The following ANXA4 variants were observed in gnomAD, a reference collection of about 807,000 sequenced individuals.
ANXA4 encodes the protein 35-beta calcimedin.
Under a neutral mutation model 49.8 loss-of-function variants are expected in ANXA4, and 39 were observed. The ratio of observed to expected loss-of-function variants is 0.78; its 90% confidence interval spans 0.61 to 1.02. The LOEUF (loss-of-function observed/expected upper bound fraction) is 1.02. Among genes scored for constraint, ANXA4 ranks in the 50% least tolerant of loss-of-function variants. The probability of loss-of-function intolerance (pLI) is 0.00; values close to 1 mark genes in which losing one functional copy is unlikely to be tolerated. For synonymous variants in ANXA4, 134 were observed against 152.5 expected, an observed-to-expected ratio of 0.88 and a Z score of 0.89; for missense variants, 360 against 410.1, an observed-to-expected ratio of 0.88 and a Z score of 1.05.
intron 7 of ANXA4, among the ~76,000 whole-genome samples, chr2:69,812,387 GCTGT>G (rs1673745658): frequency 6.6e-6 from 1 of 152,182 alleles, no homozygotes; most frequent in African/African-American, 2.4e-5. Flanking sequence ...AGTGGAGGGA[GCTGT>G]CCTTGGGAAG....
rs544896553 is a variant in ANXA4 at position 69,772,369 on chromosome 2, C to T, written c.-46-9151C>T. Among the ~76,000 whole-genome samples, 77 of 152,316 alleles carry T rather than the reference C, an allele frequency of 5.1e-4. 1 individual carries two copies. In the South Asian group the frequency reaches 0.015, roughly 29 times the overall value. ...AGGAAGGTGAGATAGCAAAGAATGT[C>T]GGGCAGAGGCTCTGCTAAGAGCATG... is the stretch of plus-strand genomic sequence containing the variant. On this transcript the variant is annotated intron_variant, in intron 1 of 12. Coordinates refer to ENST00000394295, the MANE Select transcript of ANXA4 (RefSeq NM_001153.5).
intron 10 of ANXA4, 79 bp from the exon 11 acceptor site, chr2:69,819,201 G>A (rs1674127765): frequency 1.9e-6 from 2 of 1,054,430 alleles, no homozygotes; most frequent in Admixed American, 2.6e-5. Context: ...TGTAGAAACA[G>A]AGGAAACAAC....
chr2:69,810,354 A>C lies in ANXA4; in HGVS notation c.398-240A>C, dbSNP rs1673644244. ...AGACTCCATCCAGCCTGGGCAACAG[A>C]ATGAGACTCCATCTCAAAAGAAACA... On this transcript the variant is annotated intron_variant, in intron 6 of 12. Coordinates refer to ENST00000394295, the MANE Select transcript of ANXA4 (RefSeq NM_001153.5). 6.4e-6 allele frequency: 3 copies of C among 465,692 alleles called. No individual in the cohort carries two copies. In the South Asian group the frequency reaches 6.5e-5, roughly 10 times the overall value. 28.8% of individuals were successfully genotyped at this position (465,692 alleles called of 1,614,324 possible). A position where few individuals can be genotyped will look rare whatever the true frequency, so the allele number is the denominator to read the frequency against.
intron 7 of ANXA4, among the ~76,000 whole-genome samples, chr2:69,811,649 T>TA (rs1184724139): frequency 6.6e-6 from 1 of 152,222 alleles, no homozygotes. Flanking sequence ...TCATTACAGA[T>TA]ATTCTACTAT....
chr2:69,656,703 C>A (rs918703018), intron 2 of ANXA4, among the ~76,000 whole-genome samples: 10 of 151,712 alleles, frequency 6.6e-5, no homozygotes, highest in Non-Finnish European at 7.4e-5. Flanking sequence ...GCATGCGCCA[C>A]CACACCCAAC....
chr2:69,768,009 G>C (rs138666292), intron 1 of ANXA4, among the ~76,000 whole-genome samples: 1 of 151,234 alleles, frequency 6.6e-6, no homozygotes, highest in South Asian at 2.1e-4. Flanking sequence ...AATTATACAC[G>C]TATACACATA....
At chr2:69,675,487 T>A (rs867942640) in intron 2 of ANXA4, among the ~76,000 whole-genome samples, 1 of 152,218 alleles carries the variant, frequency 6.6e-6, no homozygotes. Flanking sequence ...ATCTCAATGT[T>A]AAAACCATTC....
intron 3 of ANXA4, among the ~76,000 whole-genome samples, chr2:69,733,944 T>C (rs1465187177): frequency 1.3e-5 from 2 of 152,036 alleles, no homozygotes; most frequent in Non-Finnish European, 2.9e-5. Flanking sequence ...TGTTCCAATA[T>C]GGGATGAGCT....
chr2:69,753,278 G>T (rs1028299095), intron 1 of ANXA4, among the ~76,000 whole-genome samples: 1 of 152,136 alleles, frequency 6.6e-6, no homozygotes, highest in Non-Finnish European at 1.5e-5. Flanking sequence ...TGGAACTGGG[G>T]TCTGAAAACC....
At chr2:69,730,232 T>C (rs1487934627) in intron 3 of ANXA4, among the ~76,000 whole-genome samples, 1 of 152,128 alleles carries the variant, frequency 6.6e-6, no homozygotes, top group African/African-American at 2.4e-5. Context: ...CTGGGCATGG[T>C]GGCTCATACC....
intron 2 of ANXA4, among the ~76,000 whole-genome samples, chr2:69,661,193 C>A: frequency 3.4e-5 from 4 of 115,964 alleles, no homozygotes; most frequent in African/African-American, 3.3e-5. Context: ...ATACTTGAAG[C>A]ATAAGATGAA....
chr2:69,708,218 A>T (rs1339535439), intron 2 of ANXA4, among the ~76,000 whole-genome samples: 1 of 152,230 alleles, frequency 6.6e-6, no homozygotes, highest in African/African-American at 2.4e-5. Flanking sequence ...ACTTGGGCCC[A>T]CAATGATATC....
chr2:69,760,122 A>G (rs999242413), intron 1 of ANXA4, among the ~76,000 whole-genome samples: 1 of 152,050 alleles, frequency 6.6e-6, no homozygotes, highest in African/African-American at 2.4e-5. Flanking sequence ...ATGAGCCACC[A>G]CGCCCGGCCT....
At chr2:69,672,018 A>G (rs1008249668) in intron 2 of ANXA4, among the ~76,000 whole-genome samples, 1 of 152,036 alleles carries the variant, frequency 6.6e-6, no homozygotes, top group Admixed American at 6.6e-5. Context: ...TCCTAGAAAA[A>G]CTCTTGAGGA....
chr2:69,687,939 C>T (rs1474745035), intron 2 of ANXA4, among the ~76,000 whole-genome samples: 1 of 152,170 alleles, frequency 6.6e-6, no homozygotes, highest in African/African-American at 2.4e-5. Flanking sequence ...AACATAAGAG[C>T]ATTTTGAAAA....
chr2:69,770,363 C>CT lies in ANXA4; in HGVS notation c.-46-11156dup, dbSNP rs372499201. ...GGGGCCCAGTCACACCCTTTGCAAT[C>CT]TGCAGACCAGTGGTTTAAATTTGTC... On this transcript the variant is annotated intron_variant, in intron 1 of 12. Coordinates refer to ENST00000394295, the MANE Select transcript of ANXA4 (RefSeq NM_001153.5). Among the ~76,000 whole-genome samples the CT allele has an allele frequency of 4.8e-3, 734 of 152,334 alleles. 7 individuals carry two copies. The highest frequency in any genetic ancestry group is 0.017 in the African/African-American group (696 of 41,576).
chr2:69,681,207 A>C (rs1677586385), intron 2 of ANXA4, among the ~76,000 whole-genome samples: 1 of 152,000 alleles, frequency 6.6e-6, no homozygotes, highest in African/African-American at 2.4e-5. Flanking sequence ...TCAGGTTTCC[A>C]TATTTTTCTT....
At chr2:69,757,523 T>C (rs1328114063) in intron 1 of ANXA4, among the ~76,000 whole-genome samples, 3 of 149,886 alleles carry the variant, frequency 2.0e-5, no homozygotes, top group African/African-American at 7.4e-5. Context: ...TCCGCCTGCC[T>C]CGGCCTCCCA....
intron 3 of ANXA4, among the ~76,000 whole-genome samples, chr2:69,803,776 A>G (rs931817848): frequency 6.6e-6 from 1 of 152,180 alleles, no homozygotes; most frequent in African/African-American, 2.4e-5. Context: ...TGATAAAAAG[A>G]TAAAAACAAA....
Sources: allele counts gnomAD v4.1 joint callset (sites outside exome capture counted in the v4.1 genomes callset), GRCh38; gene constraint gnomAD v4.1.1; transcripts MANE v1.5; gene names NCBI Gene and HGNC (gene_info 2026-07-23, HGNC 2026-07-21).